Variants in UGT1A5 observed in about 807,000 individuals in gnomAD.
UGT1A5 encodes UDP-glucuronosyltransferase 1A5.
UGT1A5 carries 29 observed loss-of-function variants against 40.3 expected under a neutral mutation model. That is an observed-to-expected ratio of 0.72 (90% CI 0.54 to 0.98). UGT1A5 has a LOEUF of 0.98. Among genes scored for constraint, UGT1A5 ranks in the 50% least tolerant of loss-of-function variants. The pLI is 0.00. For synonymous variants in UGT1A5, 257 were observed against 262.5 expected (o/e 0.98, Z 0.20); for missense variants, 678 against 677.9 (o/e 1.00, Z 0.00).
intron 1 of UGT1A5, chr2:233,741,688 A>C (rs1691743482): frequency 6.6e-6 from 1 of 151,896 alleles, no homozygotes; most frequent in Non-Finnish European, 1.5e-5. Flanking sequence ...GGGTGCCATT[A>C]CATGCAGAGT....
At chr2:233,761,009 A>G (rs1395770157) in intron 1 of UGT1A5, 4 of 1,613,884 alleles carry the variant, frequency 2.5e-6, no homozygotes, top group Non-Finnish European at 3.4e-6. Flanking sequence ...CTTCAGAGAG[A>G]GGTGACTGTC....
chr2:233,760,379 T>G lies in UGT1A5; in HGVS notation c.868-6655T>G. On this transcript the variant is annotated intron_variant, in intron 1 of 4. Transcript: ENST00000373414. Reference sequence around the variant, plus strand: ...GTGGTGTCCCATGCTGGGAAGATACTGTTGATCCCAGTGGATGGCAGCCAC... The same window carrying G: ...GTGGTGTCCCATGCTGGGAAGATACGGTTGATCCCAGTGGATGGCAGCCAC... 6.2e-7 allele frequency: 1 copy of G among 1,614,196 alleles called. No homozygotes were observed. Among genetic ancestry groups the G allele is most frequent in the Non-Finnish European group, 8.5e-7 (1 of 1,180,016 alleles).
chr2:233,768,376 A>G lies in UGT1A5; in HGVS notation c.1244A>G (p.Asn415Ser). The G allele has an allele frequency of 6.2e-7, 1 of 1,614,182 alleles. No homozygotes were observed. The highest frequency in any genetic ancestry group is 8.5e-7 in the Non-Finnish European group (1 of 1,180,034). ...ACTAAGGGAGCTGGAGTGACCCTGA[A>G]TGTTCTGGAAATGACTTCTGAAGAT... is the stretch of plus-strand genomic sequence containing the variant. ...METKGAGVTLNVLEMTSEDLE... is the reference protein window; with the variant it reads ...METKGAGVTLSVLEMTSEDLE... Residue 415 changes from asparagine (N) to serine (S), a missense_variant, in exon 4 of 5, where the codon AAT becomes AGT. Physicochemically the swap from Asn to Ser is conservative, Grantham distance 46 (BLOSUM62 1). Transcript: ENST00000373414.
At chr2:233,742,829 C>T (rs1399868443) in intron 1 of UGT1A5, 1 of 154,656 alleles carries the variant, frequency 6.5e-6, no homozygotes, top group Non-Finnish European at 1.4e-5. Context: ...TAGATTTCAC[C>T]ACTACACACT....
chr2:233,760,983 C>T (rs752251675), intron 1 of UGT1A5: 4 of 1,614,060 alleles, frequency 2.5e-6, no homozygotes, highest in Non-Finnish European at 8.5e-7. Flanking sequence ...CGTATGCAAC[C>T]CTTGCCTCAG....
chr2:233,772,238 T>C (rs765306920), intron 4 of UGT1A5, 24 bp from the exon 5 acceptor site: 1 of 1,613,980 alleles, frequency 6.2e-7, no homozygotes, highest in African/African-American at 1.3e-5. Context: ...GTTCCAGGCA[T>C]AACGAAACTG....
At chr2:233,745,320 A>T (rs1693070605) in intron 1 of UGT1A5, among the ~76,000 whole-genome samples, 1 of 151,792 alleles carries the variant, frequency 6.6e-6, no homozygotes, top group African/African-American at 2.4e-5. Flanking sequence ...TTTCCACTAG[A>T]ACTGCTATAT....
At chr2:233,719,310 T>C in intron 1 of UGT1A5, 6 of 1,613,982 alleles carry the variant, frequency 3.7e-6, no homozygotes, top group Non-Finnish European at 5.1e-6. Context: ...GCTGGCTAAG[T>C]ACCTGTCGAT....
At chr2:233,743,803 G>A (rs568702968) in intron 1 of UGT1A5, 1 of 1,367,298 alleles carries the variant, frequency 7.3e-7, no homozygotes, top group Admixed American at 1.9e-5. Context: ...CTTCCTCCTT[G>A]TTCTCAGGGT....
In UGT1A5 at chr2:233,769,623, G is replaced by A. The variant is rs1699907575; in HGVS notation, c.1307+1184G>A. The A allele has an allele frequency of 6.2e-7, 1 of 1,612,212 alleles. No homozygotes were observed. Among genetic ancestry groups the A allele is most frequent in the Non-Finnish European group, 8.5e-7 (1 of 1,179,652 alleles). On this transcript the variant is annotated intron_variant, in intron 4 of 4. Transcript: ENST00000373414. This position sits in a 1 kb window ranked among gnomAD's most constrained non-coding sequence, Gnocchi z 4.4. Reference sequence around the variant, plus strand: ...ACGGGGACACACCAGCTTGAGCAAGGGACAACAGGGGAGGACTGATGACTG... The same window carrying A: ...ACGGGGACACACCAGCTTGAGCAAGAGACAACAGGGGAGGACTGATGACTG...
At chr2:233,741,367 C>T (rs1691641318) in intron 1 of UGT1A5, among the ~76,000 whole-genome samples, 1 of 151,832 alleles carries the variant, frequency 6.6e-6, no homozygotes, top group Non-Finnish European at 1.5e-5. Context: ...CACAATGAAA[C>T]TGCCCATGCC....
intron 1 of UGT1A5, among the ~76,000 whole-genome samples, chr2:233,749,521 C>T (rs1559394435): frequency 6.6e-6 from 1 of 151,908 alleles, no homozygotes; most frequent in East Asian, 1.9e-4. Flanking sequence ...ACTAGCAAGG[C>T]TAATTTTCGA....
At chr2:233,742,734 T>C (rs1156368500) in intron 1 of UGT1A5, 3 of 152,940 alleles carry the variant, frequency 2.0e-5, no homozygotes, top group Non-Finnish European at 4.4e-5. Flanking sequence ...GGGATTCAAA[T>C]GTCTGACCTC....
chr2:233,755,063 G>C (rs776771090), intron 1 of UGT1A5: 3 of 1,334,898 alleles, frequency 2.2e-6, no homozygotes, highest in Non-Finnish European at 3.0e-6. Context: ...CCCTCGCCTC[G>C]CCATAGCGGT....
At chr2:233,757,625 G>T (rs550855781) in intron 1 of UGT1A5, among the ~76,000 whole-genome samples, 1 of 148,046 alleles carries the variant, frequency 6.8e-6, no homozygotes, top group East Asian at 2.0e-4. Context: ...AAAGATACAA[G>T]GCAGAACAGA....
intron 1 of UGT1A5, 32 bp downstream of exon 1, chr2:233,713,890 T>C: frequency 1.2e-6 from 2 of 1,613,384 alleles, no homozygotes; most frequent in Non-Finnish European, 1.7e-6. Context: ...CAATCAATGT[T>C]CCAGGCAAAA....
In UGT1A5 at chr2:233,767,884, T is replaced by A. The variant is rs149750520; in HGVS notation, c.1035T>A (p.Asn345Lys). The A allele has an allele frequency of 1.2e-6, 2 of 1,614,080 alleles. No individual in the cohort carries two copies. Among genetic ancestry groups the A allele is most frequent in the African/African-American group, 2.7e-5 (2 of 74,910 alleles). The change falls in exon 3 of 5, where the codon AAT (asparagine) becomes AAA (lysine). Residue 345 changes from asparagine to lysine, a missense_variant. Transcript: ENST00000373414. ...LWRYTGTRPSNLANNTILVKW... is the reference protein window; with the variant it reads ...LWRYTGTRPSKLANNTILVKW... ...GGTACACTGGAACCCGACCATCGAATCTTGCGAACAACACGATACTTGTTA... is the reference window on the plus strand; with the variant it reads ...GGTACACTGGAACCCGACCATCGAAACTTGCGAACAACACGATACTTGTTA...
At chr2:233,766,909 C>G in intron 1 of UGT1A5, 125 bp from the exon 2 acceptor site, 2 of 1,513,870 alleles carry the variant, frequency 1.3e-6, no homozygotes, top group South Asian at 1.3e-5. Flanking sequence ...ATTTTTTACT[C>G]TATCTCAAAC....
intron 1 of UGT1A5, chr2:233,760,629 G>C: frequency 1.2e-6 from 2 of 1,614,104 alleles, no homozygotes; most frequent in Non-Finnish European, 1.7e-6. Context: ...AAACATACAA[G>C]AAAATAAAAA....
Sources: gnomAD v4.1 joint callset for allele counts (sites outside exome capture counted in the v4.1 genomes callset) on GRCh38, gnomAD v4.1.1 for gene constraint, Gnocchi (gnomAD v3.1) non-coding constraint, MANE v1.5 for transcripts, NCBI Gene and HGNC (gene_info 2026-07-23, HGNC 2026-07-21) for gene names.